Variants in NKAIN2 observed in about 807,000 individuals in gnomAD.
NKAIN2 encodes sodium/potassium-transporting ATPase subunit beta-1-interacting protein 2.
NKAIN2 carries 14 observed loss-of-function variants against 32.6 expected under a neutral mutation model. That is an observed-to-expected ratio of 0.43 (90% CI 0.28 to 0.67). The LOEUF (loss-of-function observed/expected upper bound fraction) is 0.67. NKAIN2 is among the 30% of genes least tolerant of loss of function. The probability of loss-of-function intolerance (pLI) is 0.17; values close to 1 mark genes in which losing one functional copy is unlikely to be tolerated. For missense variants in NKAIN2, 198 were observed against 258.3 expected, an observed-to-expected ratio of 0.77 and a Z score of 1.60; for synonymous variants, 80 against 87.2, an observed-to-expected ratio of 0.92 and a Z score of 0.46.
rs557284556 is a variant in NKAIN2 at position 123,986,769 on chromosome 6, A to G, written c.54+182515A>G. On this transcript the variant is annotated intron_variant, in intron 1 of 6. Transcript: ENST00000368417. ...TTAGCCTATTTAACACCTTCAATGT[A>G]TAAGTCAAGTTGCCTAGCAGAAAAA... Among the ~76,000 whole-genome samples, 6 of 152,314 alleles carry G rather than the reference A, an allele frequency of 3.9e-5. No individual in the cohort carries two copies. In the South Asian group the frequency reaches 1.2e-3, roughly 32 times the overall value.
intron 3 of NKAIN2, among the ~76,000 whole-genome samples, chr6:124,436,119 G>A (rs1222684896): frequency 2.0e-5 from 3 of 152,052 alleles, no homozygotes; most frequent in Non-Finnish European, 2.9e-5. Flanking sequence ...ATCAGCTAAC[G>A]TATTATCTGC....
At chr6:124,326,976 G>A (rs1000675465) in intron 2 of NKAIN2, among the ~76,000 whole-genome samples, 4 of 151,774 alleles carry the variant, frequency 2.6e-5, no homozygotes, top group East Asian at 1.9e-4. Flanking sequence ...GAGATCCAGC[G>A]TTCTGATCAA....
chr6:124,592,098 A>G (rs909458876), intron 3 of NKAIN2, among the ~76,000 whole-genome samples: 11 of 152,182 alleles, frequency 7.2e-5, no homozygotes, highest in African/African-American at 2.7e-4. Flanking sequence ...TCAAGATTTT[A>G]TACTTACTCA....
chr6:123,825,171 C>A (rs572886081), intron 1 of NKAIN2, among the ~76,000 whole-genome samples: 2 of 152,138 alleles, frequency 1.3e-5, no homozygotes, highest in South Asian at 4.2e-4. Context: ...TTCATGAGTG[C>A]CCTGCCGTCA....
At chr6:124,522,699 T>G (rs1358515441) in intron 3 of NKAIN2, among the ~76,000 whole-genome samples, 2 of 152,186 alleles carry the variant, frequency 1.3e-5, no homozygotes, top group South Asian at 2.1e-4. Flanking sequence ...CTAGAGTTGA[T>G]CCACGTTCCA....
intron 4 of NKAIN2, among the ~76,000 whole-genome samples, chr6:124,687,426 T>C (rs1469711255): frequency 3.5e-5 from 1 of 28,596 alleles, no homozygotes; most frequent in Non-Finnish European, 7.9e-5. Flanking sequence ...ATATATTCCA[T>C]GTATACCATA....
Position 124,744,875 on chromosome 6 carries a change from C to T in NKAIN2, c.475-46464C>T, listed in dbSNP as rs377698286. ...AGAAGCATAGAACTAAAATGTTTTC[C>T]AAGAAACATCTCCAAAATGGTAAAG... is the stretch of plus-strand genomic sequence containing the variant. On this transcript the variant is annotated intron_variant, in intron 4 of 6. Coordinates refer to ENST00000368417, the MANE Select transcript of NKAIN2 (RefSeq NM_001040214.3). 4.0e-5 allele frequency among the ~76,000 whole-genome samples: 6 copies of T among 151,804 alleles called. No individual in the cohort carries two copies. In the East Asian group the frequency reaches 7.8e-4, roughly 20 times the overall value.
At chr6:124,410,073 T>C (rs2114491601) in intron 3 of NKAIN2, among the ~76,000 whole-genome samples, 1 of 152,308 alleles carries the variant, frequency 6.6e-6, no homozygotes, top group Non-Finnish European at 1.5e-5. Flanking sequence ...GTCTATCTGA[T>C]TCTTCTCTCT....
chr6:124,535,550 T>C (rs2114831850), intron 3 of NKAIN2, among the ~76,000 whole-genome samples: 1 of 152,338 alleles, frequency 6.6e-6, no homozygotes, highest in Admixed American at 6.5e-5. Flanking sequence ...ATTAGAAGGC[T>C]TTTGAAATTA....
chr6:124,710,506 G>T (rs1056125242), intron 4 of NKAIN2, among the ~76,000 whole-genome samples: 1 of 151,928 alleles, frequency 6.6e-6, no homozygotes, highest in Non-Finnish European at 1.5e-5. Context: ...TTATGAATCT[G>T]GGTGCTCCTG....
intron 4 of NKAIN2, among the ~76,000 whole-genome samples, chr6:124,686,540 A>C (rs1773887939): frequency 6.6e-6 from 1 of 152,066 alleles, no homozygotes; most frequent in African/African-American, 2.4e-5. Flanking sequence ...AACAGCACTA[A>C]ACCATTCATG....
At chr6:124,103,120 T>C (rs1784966598) in intron 1 of NKAIN2, among the ~76,000 whole-genome samples, 2 of 152,172 alleles carry the variant, frequency 1.3e-5, no homozygotes, top group African/African-American at 4.8e-5. Context: ...AAAATAAAAA[T>C]GTGGTAAAGG....
intron 1 of NKAIN2, among the ~76,000 whole-genome samples, chr6:124,093,983 G>A (rs955558459): frequency 6.6e-5 from 10 of 152,134 alleles, no homozygotes; most frequent in African/African-American, 2.2e-4. Context: ...TAACTGGCAG[G>A]CAAGGCATTT....
At chr6:124,341,377 A>C (rs1358806810) in intron 2 of NKAIN2, among the ~76,000 whole-genome samples, 2 of 152,168 alleles carry the variant, frequency 1.3e-5, no homozygotes, top group Non-Finnish European at 2.9e-5. Flanking sequence ...TCATTTAAAC[A>C]CATATTAAAC....
intron 2 of NKAIN2, among the ~76,000 whole-genome samples, chr6:124,347,914 C>G (rs925148532): frequency 6.6e-6 from 1 of 152,168 alleles, no homozygotes; most frequent in African/African-American, 2.4e-5. Context: ...AGGCGCTCTG[C>G]TTTTTAGAGT....
chr6:124,388,355 C>T (rs1415397264), intron 3 of NKAIN2, among the ~76,000 whole-genome samples: 3 of 147,312 alleles, frequency 2.0e-5, no homozygotes, highest in Non-Finnish European at 4.6e-5. Context: ...GTAACACACT[C>T]ACCTGGACAG....
At chr6:124,076,874 C>T (rs1582594429) in intron 1 of NKAIN2, among the ~76,000 whole-genome samples, 1 of 152,188 alleles carries the variant, frequency 6.6e-6, no homozygotes, top group South Asian at 2.1e-4. Context: ...TACAATCCCT[C>T]ATGCCTGGTT....
chr6:124,477,387 G>C (rs1777262810), intron 3 of NKAIN2, among the ~76,000 whole-genome samples: 1 of 152,126 alleles, frequency 6.6e-6, no homozygotes, highest in Non-Finnish European at 1.5e-5. Flanking sequence ...TCTAGTCCCT[G>C]TCTCATACAA....
chr6:124,284,334 A>G (rs1161645036), intron 2 of NKAIN2, among the ~76,000 whole-genome samples: 2 of 152,180 alleles, frequency 1.3e-5, no homozygotes, highest in Non-Finnish European at 2.9e-5. Flanking sequence ...CTGAAGTCAT[A>G]ATATCAAGAT....
Sources: allele counts gnomAD v4.1 joint callset (sites outside exome capture counted in the v4.1 genomes callset), GRCh38; gene constraint gnomAD v4.1.1; transcripts MANE v1.5; gene names NCBI Gene and HGNC (gene_info 2026-07-23, HGNC 2026-07-21).